PLPP4: variants seen among roughly 807,000 people sequenced by gnomAD.
The protein encoded by PLPP4 is phospholipid phosphatase 4.
A neutral mutation model predicts 32.2 loss-of-function variants in PLPP4; 20 were observed. The ratio of observed to expected loss-of-function variants is 0.62; its 90% CI spans 0.44 to 0.90. The LOEUF (loss-of-function observed/expected upper bound fraction) is 0.90. Ranked by LOEUF, PLPP4 falls within the 40% of genes least tolerant of loss-of-function variation. The pLI is 0.00. For missense variants in PLPP4, 257 were observed against 353.1 expected (o/e 0.73, Z 2.18); for synonymous variants, 127 against 133.0 (o/e 0.95, Z 0.31).
In PLPP4 at chr10:120,457,360, G is replaced by A; in HGVS notation, c.55G>A (p.Val19Ile). The A allele has an allele frequency of 6.5e-7, 1 of 1,532,494 alleles. No homozygotes were observed. The allele number at this position is 1,532,494 out of a possible 1,614,324, so 94.9% of individuals were successfully genotyped here. A position where few individuals can be genotyped will look rare whatever the true frequency, so the allele number is the denominator to read the frequency against. The change falls in exon 1 of 7, where the codon GTT becomes ATT. Residue 19 changes from valine to isoleucine, a missense_variant and splice_region_variant. Physicochemically the swap from Val to Ile is conservative, Grantham distance 29 (BLOSUM62 3). Coordinates refer to ENST00000398250, the MANE Select transcript of PLPP4 (RefSeq NM_001030059.3). Reference protein sequence around the residue: ...GVRALLFGVFVFTEFLDPFQR... With the variant: ...GVRALLFGVFIFTEFLDPFQR... ...GCGAGCCCTGCTCTTCGGAGTCTTC[G>A]TGTAAGTAGTGGCGCACCGCGGGCA...
At position 120,487,672 on chromosome 10, in the gene PLPP4, G is replaced by A. The variant is rs1334665234; in HGVS notation, c.57-16146G>A. On this transcript the variant is annotated intron_variant, in intron 1 of 6. Coordinates refer to ENST00000398250, the MANE Select transcript of PLPP4 (RefSeq NM_001030059.3). ...TAATTCAGCACCTGGAATGTAGAAG[G>A]GGTGCTGAAACTTTTGGCTTCTCCA... is the stretch of plus-strand genomic sequence containing the variant. Among the ~76,000 whole-genome samples, 8 of 152,156 alleles carry A rather than the reference G, an allele frequency of 5.3e-5. No individual in the cohort carries two copies. The South Asian group carries it at 1.7e-3, about 31-fold the overall frequency.
At chr10:120,487,894 G>C (rs1283374580) in intron 1 of PLPP4, among the ~76,000 whole-genome samples, 1 of 152,170 alleles carries the variant, frequency 6.6e-6, no homozygotes, top group African/African-American at 2.4e-5. Context: ...CTTTTTACCT[G>C]GTCCTTGACT....
intron 1 of PLPP4, among the ~76,000 whole-genome samples, chr10:120,500,700 TC>T (rs1845206295): frequency 6.6e-6 from 1 of 151,918 alleles, no homozygotes; most frequent in Non-Finnish European, 1.5e-5. Context: ...GGGGTGGGGT[TC>T]CAGATCCTTT....
rs550166066 is a variant in PLPP4, at chr10:120,500,678, G to A, written c.57-3140G>A. Among the ~76,000 whole-genome samples, 5 of 147,686 alleles carry A rather than the reference G, an allele frequency of 3.4e-5. No individual in the cohort carries two copies. In the South Asian group the frequency reaches 1.2e-3, roughly 35 times the overall value. On this transcript the variant is annotated intron_variant, in intron 1 of 6. Coordinates refer to ENST00000398250, the MANE Select transcript of PLPP4 (RefSeq NM_001030059.3). Reference sequence around the variant, plus strand: ...TGCTAGAGAGGAAGGGTTTTTCTGGGGGTGGGGGGGTGGGGTGGGGTTCCA... The same window carrying A: ...TGCTAGAGAGGAAGGGTTTTTCTGGAGGTGGGGGGGTGGGGTGGGGTTCCA...
At chr10:120,496,888 GGA>G (rs372700642) in intron 1 of PLPP4, among the ~76,000 whole-genome samples, 7 of 145,330 alleles carry the variant, frequency 4.8e-5, no homozygotes, top group East Asian at 2.1e-4. Context: ...AAAGGAATAG[GGA>G]GAGAGAGAGA....
At position 120,467,485 on chromosome 10, in the gene PLPP4, C is replaced by T. The variant is rs1848380275; in HGVS notation, c.56+10124C>T. On this transcript the variant is annotated intron_variant, in intron 1 of 6. Coordinates refer to ENST00000398250, the MANE Select transcript of PLPP4 (RefSeq NM_001030059.3). Reference sequence around the variant, plus strand: ...ACACCTACTAGCTACTAAGGAAGAACACTTCAATGCCTACCATGTGCCACC... The same window carrying T: ...ACACCTACTAGCTACTAAGGAAGAATACTTCAATGCCTACCATGTGCCACC... Among the ~76,000 whole-genome samples the T allele has an allele frequency of 3.1e-5, 2 of 64,368 alleles. 1 individual carries two copies. Among genetic ancestry groups the T allele is most frequent in the South Asian group, 1.3e-3 (2 of 1,508 alleles). The allele number at this position is 64,368 out of a possible 152,430, so 42.2% of individuals were successfully genotyped here. A position where few individuals can be genotyped will look rare whatever the true frequency, so the allele number is the denominator to read the frequency against.
intron 5 of PLPP4, among the ~76,000 whole-genome samples, chr10:120,557,376 T>A (rs191644238): frequency 6.6e-6 from 1 of 152,350 alleles, no homozygotes; most frequent in Admixed American, 6.5e-5. Context: ...TTTTCAGAAT[T>A]CTCAGTGGCT....
In PLPP4 at chr10:120,575,156, G is replaced by A. The variant is rs569831062; in HGVS notation, c.471G>A (p.Thr157=). The part of the protein sequence containing the change: ...SSFAFSGLGF[T]TFYLAGKLHC... ...TTGCCTTTTCGGGCCTTGGCTTCAC[G>A]ACGTTCTACTTGGCGGGCAAGCTGC... The change falls in exon 6 of 7, where the codon ACG becomes ACA. Residue 157 remains threonine (T), a synonymous_variant. Coordinates refer to ENST00000398250, the MANE Select transcript of PLPP4 (RefSeq NM_001030059.3). The A allele has an allele frequency of 8.7e-5, 140 of 1,613,704 alleles. 2 individuals carry two copies. In the South Asian group the frequency reaches 1.2e-3, roughly 13 times the overall value.
intron 5 of PLPP4, among the ~76,000 whole-genome samples, chr10:120,566,909 T>A (rs1311657763): frequency 6.6e-6 from 1 of 152,122 alleles, no homozygotes; most frequent in Non-Finnish European, 1.5e-5. Context: ...TACTCAGGGA[T>A]CTTCTGTGAC....
intron 6 of PLPP4, among the ~76,000 whole-genome samples, chr10:120,577,711 A>G (rs1383712260): frequency 6.6e-6 from 1 of 152,190 alleles, no homozygotes; most frequent in Non-Finnish European, 1.5e-5. Flanking sequence ...CTGAATGTGC[A>G]TCTCTTGGTA....
intron 5 of PLPP4, among the ~76,000 whole-genome samples, chr10:120,526,451 C>T (rs1846394912): frequency 6.6e-6 from 1 of 152,154 alleles, no homozygotes; most frequent in Non-Finnish European, 1.5e-5. Flanking sequence ...GGTTGACCTC[C>T]AGTGTTAGCT....
At chr10:120,463,226 C>T (rs1159580280) in intron 1 of PLPP4, among the ~76,000 whole-genome samples, 3 of 152,024 alleles carry the variant, frequency 2.0e-5, no homozygotes, top group Non-Finnish European at 4.4e-5. Flanking sequence ...CGTAGTTTCA[C>T]CATGTTAGCC....
At chr10:120,542,217 G>A (rs1313399449) in intron 5 of PLPP4, among the ~76,000 whole-genome samples, 1 of 152,200 alleles carries the variant, frequency 6.6e-6, no homozygotes, top group Non-Finnish European at 1.5e-5. Flanking sequence ...AGGTCACCGA[G>A]GCAGGAACAC....
At chr10:120,533,290 G>A (rs573006979) in intron 5 of PLPP4, among the ~76,000 whole-genome samples, 1 of 152,148 alleles carries the variant, frequency 6.6e-6, no homozygotes, top group African/African-American at 2.4e-5. Context: ...CTTTTCATTT[G>A]CTTATTGGCC....
chr10:120,560,312 G>A (rs1848365398), intron 5 of PLPP4, among the ~76,000 whole-genome samples: 1 of 137,044 alleles, frequency 7.3e-6, no homozygotes, highest in African/African-American at 2.7e-5. Flanking sequence ...TGAATGAATC[G>A]AGCCTAAGGA....
chr10:120,534,643 C>G (rs1046724427), intron 5 of PLPP4, among the ~76,000 whole-genome samples: 1 of 151,440 alleles, frequency 6.6e-6, no homozygotes, highest in East Asian at 1.9e-4. Flanking sequence ...CTTCTTTTTT[C>G]CTTCTGTTTA....
At chr10:120,465,425 C>T (rs1194297541) in intron 1 of PLPP4, among the ~76,000 whole-genome samples, 2 of 152,178 alleles carry the variant, frequency 1.3e-5, no homozygotes, top group African/African-American at 2.4e-5. Context: ...GAATGTGAAA[C>T]ATTATCCCAC....
chr10:120,536,465 T>G (rs1847023089), intron 5 of PLPP4, among the ~76,000 whole-genome samples: 1 of 151,936 alleles, frequency 6.6e-6, no homozygotes, highest in Admixed American at 6.6e-5. Context: ...TAAATGGTAT[T>G]GGGAAAATTG....
chr10:120,462,686 C>T (rs569294460), intron 1 of PLPP4, among the ~76,000 whole-genome samples: 8 of 152,290 alleles, frequency 5.3e-5, no homozygotes, highest in Non-Finnish European at 1.0e-4. Context: ...TGAACACCTG[C>T]GTCAGGATTA....
Sources: gnomAD v4.1 joint callset for allele counts (sites outside exome capture counted in the v4.1 genomes callset) on GRCh38, gnomAD v4.1.1 for gene constraint, MANE v1.5 for transcripts, NCBI Gene and HGNC (gene_info 2026-07-23, HGNC 2026-07-21) for gene names.